UNC93B1: variants seen among roughly 807,000 people sequenced by gnomAD.
UNC93B1 encodes the protein protein unc-93 homolog B1.
A neutral mutation model predicts 56.8 loss-of-function variants in UNC93B1; 33 were observed. The ratio of observed to expected loss-of-function variants is 0.58; its 90% CI spans 0.44 to 0.78. The LOEUF is 0.78. Ranked by LOEUF, UNC93B1 falls within the 30% of genes least tolerant of loss-of-function variation. UNC93B1 has a pLI of 0.00. For synonymous variants in UNC93B1, 334 were observed against 358.6 expected (o/e 0.93, Z 0.77); for missense variants, 673 against 819.5 (o/e 0.82, Z 2.18).
intron 5 of UNC93B1, among the ~76,000 whole-genome samples, chr11:67,998,816 G>A (rs1160486932): frequency 6.6e-6 from 1 of 152,072 alleles, no homozygotes; most frequent in African/African-American, 2.4e-5. Flanking sequence ...AGGATCACTT[G>A]AGCCCAGCAG....
rs191430273 is a variant in UNC93B1 at position 67,994,258 on chromosome 11, G to A, written c.1364-464C>T. 5.8e-4 allele frequency among the ~76,000 whole-genome samples: 89 copies of A among 152,320 alleles called. 1 individual carries two copies. The East Asian group carries it at 0.015, about 25-fold the overall frequency. ...TTTCCAGTGAGTCCTCCCAGGGTGGGCAACAAGAGTAATGGATTGGGAGTC... is the reference window on the plus strand; with the variant it reads ...TTTCCAGTGAGTCCTCCCAGGGTGGACAACAAGAGTAATGGATTGGGAGTC... On this transcript the variant is annotated intron_variant, in intron 9 of 10. Coordinates refer to ENST00000227471, the MANE Select transcript of UNC93B1 (RefSeq NM_030930.4).
rs1316157143 is a variant in UNC93B1, at chr11:67,999,287, A to T, written c.573T>A (p.His191Gln). The T allele has an allele frequency of 1.9e-6, 3 of 1,613,562 alleles. No homozygotes were observed. Among genetic ancestry groups the T allele is most frequent in the East Asian group, 2.2e-5 (1 of 44,886 alleles). The change falls in exon 5 of 11, where the codon CAT becomes CAA. Residue 191 changes from histidine to glutamine, a missense_variant. Physicochemically the swap from His to Gln is conservative, Grantham distance 24. Coordinates refer to ENST00000227471, the MANE Select transcript of UNC93B1 (RefSeq NM_030930.4). ...CCTGCTCCTTGTAGTGGGAGTACTCATGGTACTTCTGCGCCATCCTGGACC... is the reference window on the plus strand; with the variant it reads ...CCTGCTCCTTGTAGTGGGAGTACTCTTGGTACTTCTGCGCCATCCTGGACC... ...NYITRMAQKYHEYSHYKEQDG... is the reference protein window; with the variant it reads ...NYITRMAQKYQEYSHYKEQDG...
rs377021545 is a variant in UNC93B1, at chr11:67,995,764, G to T, written c.1210C>A (p.Pro404Thr). The T allele has an allele frequency of 1.9e-6, 3 of 1,548,328 alleles. No homozygotes were observed. Among genetic ancestry groups the T allele is most frequent in the South Asian group, 1.2e-5 (1 of 83,990 alleles). Residue 404 changes from proline to threonine, a missense_variant, in exon 9 of 11, where the codon CCC (proline) becomes ACC (threonine). By Grantham distance (38) the Pro-to-Thr change is conservative (BLOSUM62 -1). Transcript: ENST00000227471. Reference protein sequence around the residue: ...LLGLWLPRPVPLVAGAGVHLL... With the variant: ...LLGLWLPRPVTLVAGAGVHLL... ...TGCACCCCTGCTCCGGCCACCAGGG[G>T]CACCGGGCGTGGCAGCCACAGGCCC...
At position 67,996,653 on chromosome 11, in the gene UNC93B1, G is replaced by C. The variant is rs969113301; in HGVS notation, c.1038C>G (p.Phe346Leu). 3 of 1,551,426 alleles carry C rather than the reference G, an allele frequency of 1.9e-6. No homozygotes were observed. The South Asian group carries it at 3.6e-5, about 18-fold the overall frequency. ...GCACCTCGAAGCCGCTGTAGATAAA[G>C]AAAGGCACGAGGTGGCGCAGGCGGT... ...RDYRLRHLVP[F>L]FIYSGFEVLF... is the part of the protein sequence containing the mutation. Residue 346 changes from phenylalanine (F) to leucine (L), a missense_variant, in exon 8 of 11, where the codon TTC (phenylalanine) becomes TTG (leucine). Phe to Leu is a conservative substitution (Grantham distance 22). Coordinates refer to ENST00000227471, the MANE Select transcript of UNC93B1 (RefSeq NM_030930.4).
intron 5 of UNC93B1, among the ~76,000 whole-genome samples, chr11:67,998,699 G>A (rs1368738484): frequency 6.6e-6 from 1 of 152,122 alleles, no homozygotes; most frequent in Admixed American, 6.5e-5. Context: ...AAGGAAGATG[G>A]GCAGCCTGGG....
Position 68,003,290 on chromosome 11 carries a change from G to T in UNC93B1, c.239-115C>A. ...TCCAATCACCGAAGGCATTCCCGCT[G>T]ACAGCGCCCCTCAGGACAGCGGGGT... is the stretch of plus-strand genomic sequence containing the variant. On this transcript the variant is annotated intron_variant, in intron 2 of 10. Transcript: ENST00000227471. This position sits in a 1 kb window ranked among gnomAD's most constrained non-coding sequence, Gnocchi z 4.4. 2 of 1,270,048 alleles carry T rather than the reference G, an allele frequency of 1.6e-6. No individual in the cohort carries two copies. Among genetic ancestry groups the T allele is most frequent in the Non-Finnish European group, 2.1e-6 (2 of 951,784 alleles). The allele number at this position is 1,270,048 out of a possible 1,614,324, so 78.7% of individuals were successfully genotyped here.
Position 68,003,632 on chromosome 11 carries a change from C to A in UNC93B1, c.238+25G>T. On this transcript the variant is annotated intron_variant, in intron 2 of 10. Coordinates refer to ENST00000227471, the MANE Select transcript of UNC93B1 (RefSeq NM_030930.4). The surrounding 1 kb of genome is among the most constrained non-coding windows in gnomAD (Gnocchi z 4.4). ...GCCGGGCTGGGAGCGGGCGGGGCGG[C>A]CCCGGGTCCCCGAGCGGCACCTACC... 6.6e-7 allele frequency: 1 copy of A among 1,507,956 alleles called. No individual in the cohort carries two copies. Among genetic ancestry groups the A allele is most frequent in the South Asian group, 1.2e-5 (1 of 80,906 alleles). The allele number at this position is 1,507,956 out of a possible 1,614,324, so 93.4% of individuals were successfully genotyped here.
intron 8 of UNC93B1, 37 bp downstream of exon 8, chr11:67,996,565 G>A (rs938285927): frequency 1.8e-5 from 27 of 1,489,840 alleles, no homozygotes; most frequent in Non-Finnish European, 2.1e-5. Context: ...TGGCTATCTT[G>A]TCTTTTGTCG....
rs1565127870 is a variant in UNC93B1 at position 68,003,759 on chromosome 11, C to CA, written c.135_136insT (p.Glu46Ter). On this transcript the variant is annotated frameshift_variant, in exon 2 of 11. Coordinates refer to ENST00000227471, the MANE Select transcript of UNC93B1 (RefSeq NM_030930.4). LOFTEE classifies it high-confidence loss of function. The surrounding 1 kb of genome is among the most constrained non-coding windows in gnomAD (Gnocchi z 4.4). ...CGGTAGTAGCGGCGCTCCTCCTCCT[C>CA]CTCGTTGTAGTTGGGGTACGCGCCC... The CA allele has an allele frequency of 6.6e-7, 1 of 1,521,922 alleles. No individual in the cohort carries two copies. Among genetic ancestry groups the CA allele is most frequent in the Middle Eastern group, 1.8e-4 (1 of 5,498 alleles). 94.3% of individuals were successfully genotyped at this position (1,521,922 alleles called of 1,614,324 possible).
chr11:67,999,176 G>A lies in UNC93B1; in HGVS notation c.684C>T (p.Phe228=). Residue 228 remains phenylalanine, a synonymous_variant, in exon 5 of 11, where the codon TTC becomes TTT. Transcript: ENST00000227471. ...CAATGGCCCACGTGGCACTCACATGGAAGAAGCTGTAGAAGATGGCTTGGA... is the reference window on the plus strand; with the variant it reads ...CAATGGCCCACGTGGCACTCACATGAAAGAAGCTGTAGAAGATGGCTTGGA... The part of the protein sequence containing the change: ...LVFQAIFYSF[F]HLSFACAQLP... The A allele has an allele frequency of 6.2e-7, 1 of 1,613,950 alleles. No individual in the cohort carries two copies. Among genetic ancestry groups the A allele is most frequent in the Non-Finnish European group, 8.5e-7 (1 of 1,179,894 alleles).
chr11:67,993,909 G>GA (rs1278352413), intron 9 of UNC93B1, 115 bp from the exon 10 acceptor site: 31 of 774,510 alleles, frequency 4.0e-5, no homozygotes, highest in Middle Eastern at 3.5e-4. Context: ...CCCCGGACCA[G>GA]AGAGCGCCTA....
At chr11:67,993,969 C>T (rs1372335275) in intron 9 of UNC93B1, among the ~76,000 whole-genome samples, 175 bp from the exon 10 acceptor site, 1 of 152,238 alleles carries the variant, frequency 6.6e-6, no homozygotes, top group Non-Finnish European at 1.5e-5. Flanking sequence ...AGACCCTGGT[C>T]ACCACACTGC....
At position 67,991,794 on chromosome 11, in the gene UNC93B1, G is replaced by A; in HGVS notation, c.1546C>T (p.Gln516Ter). The stretch of plus-strand genomic sequence containing the variant: ...GGGGCCACGCCCCGGCGCAGCTTCT[G>A]CTCCATCCGCAGGTAGGAGACCGCG... ...AAAVSYLRME[Q>*]KLRRGVAPRQ... Residue 516 changes from glutamine to a stop codon, truncating the protein, a stop_gained, in exon 11 of 11, where the codon CAG becomes TAG. Coordinates refer to ENST00000227471, the MANE Select transcript of UNC93B1 (RefSeq NM_030930.4). LOFTEE classifies it high-confidence loss of function. The A allele has an allele frequency of 1.3e-6, 2 of 1,548,854 alleles. No individual in the cohort carries two copies. The highest frequency in any genetic ancestry group is 2.4e-5 in the East Asian group (1 of 41,750).
rs201959670 is a variant in UNC93B1, at chr11:67,993,691, C to G, written c.1467G>C (p.Ser489=). 6 of 1,200,320 alleles carry G rather than the reference C, an allele frequency of 5.0e-6. No homozygotes were observed. Among genetic ancestry groups the G allele is most frequent in the East Asian group, 5.1e-5 (2 of 39,230 alleles). 74.4% of individuals were successfully genotyped at this position (1,200,320 alleles called of 1,614,324 possible). A position where few individuals can be genotyped will look rare whatever the true frequency, so the allele number is the denominator to read the frequency against. The stretch of plus-strand genomic sequence containing the variant: ...CCAGTCTCACCTTCATGTGCAGGCT[C>G]GAGCCCAGGTACACGGTGAAGATGG... ...AVAIFTVYLG[S]SLHMKAKLAV... The change falls in exon 10 of 11, where the codon TCG becomes TCC. Residue 489 remains serine (S), a synonymous_variant. Coordinates refer to ENST00000227471, the MANE Select transcript of UNC93B1 (RefSeq NM_030930.4).
chr11:68,003,059 G>A lies in UNC93B1; in HGVS notation c.355C>T (p.Pro119Ser), dbSNP rs762178489. Residue 119 changes from proline to serine, a missense_variant, in exon 3 of 11, where the codon CCC (proline) becomes TCC (serine). This residue lies in a region of UNC93B1 where 438 missense variants were observed against 465.9 expected (regional missense o/e 0.94). Transcript: ENST00000227471. This position sits in a 1 kb window ranked among gnomAD's most constrained non-coding sequence, Gnocchi z 4.4. ...GGTGTGTAGAGCAGGGCGGCGATGG[G>A]AGTCACGTTGATGCCCATCAGCATT... ...SKMLMGINVT[P>S]IAALLYTPVL... The A allele has an allele frequency of 1.2e-6, 2 of 1,612,798 alleles. No homozygotes were observed. Among genetic ancestry groups the A allele is most frequent in the East Asian group, 2.2e-5 (1 of 44,804 alleles).
At chr11:67,991,902 C>T (rs2375176) in intron 10 of UNC93B1, 45 bp from the exon 11 acceptor site, 26 of 1,519,696 alleles carry the variant, frequency 1.7e-5, no homozygotes, top group East Asian at 1.5e-4. Context: ...GCCGCCTCGC[C>T]CCGCACCTTC....
At chr11:68,001,873 G>A (rs1857049964) in intron 3 of UNC93B1, among the ~76,000 whole-genome samples, 1 of 152,150 alleles carries the variant, frequency 6.6e-6, no homozygotes, top group African/African-American at 2.4e-5. Context: ...TCTGGGCACT[G>A]TGGCTCATGC....
Position 68,002,185 on chromosome 11 carries a change from TACACACACAC to T in UNC93B1, c.392+827_392+836del, listed in dbSNP as rs60629377. 6.4e-5 allele frequency among the ~76,000 whole-genome samples: 9 copies of T among 140,778 alleles called. No individual in the cohort carries two copies. The South Asian group carries it at 7.0e-4, about 11-fold the overall frequency. The allele number at this position is 140,778 out of a possible 152,430, so 92.4% of individuals were successfully genotyped here. A position where few individuals can be genotyped will look rare whatever the true frequency, so the allele number is the denominator to read the frequency against. On this transcript the variant is annotated intron_variant, in intron 3 of 10. Transcript: ENST00000227471. Reference sequence around the variant, plus strand: ...CAAAAGCAAACATAGCCCGCTTGCATACACACACACACACACACACACACACACACACACA... The same window carrying T: ...CAAAAGCAAACATAGCCCGCTTGCATACACACACACACACACACACACACA...
In UNC93B1 at chr11:67,993,709, G is replaced by A. The variant is rs371738908; in HGVS notation, c.1449C>T (p.Phe483=). 5.9e-4 allele frequency: 751 copies of A among 1,276,590 alleles called. 11 individuals carry two copies. The East Asian group carries it at 8.5e-3, about 14-fold the overall frequency. 79.1% of individuals were successfully genotyped at this position (1,276,590 alleles called of 1,614,324 possible). Residue 483 remains phenylalanine, a synonymous_variant, in exon 10 of 11, where the codon TTC becomes TTT. Coordinates refer to ENST00000227471, the MANE Select transcript of UNC93B1 (RefSeq NM_030930.4). ...IYHWWQAVAI[F]TVYLGSSLHM... ...GCAGGCTCGAGCCCAGGTACACGGT[G>A]AAGATGGCCACAGCCTGCCACCAGT... is the stretch of plus-strand genomic sequence containing the variant.
Sources: allele counts gnomAD v4.1 joint callset (sites outside exome capture counted in the v4.1 genomes callset), GRCh38; gene constraint gnomAD v4.1.1; regional missense constraint gnomAD v4.1.1; non-coding constraint Gnocchi (gnomAD v3.1); transcripts MANE v1.5; gene names NCBI Gene and HGNC (gene_info 2026-07-23, HGNC 2026-07-21).